GAGE10: variants seen among roughly 807,000 people sequenced by gnomAD.
GAGE10 encodes the protein G antigen 10.
GAGE10 carries 9 observed loss-of-function variants against 11.5 expected under a neutral mutation model. The ratio of observed to expected loss-of-function variants is 0.78; its 90% CI spans 0.47 to 1.37. The LOEUF is 1.37. Ranked by LOEUF, GAGE10 falls within the 40% of genes most tolerant of loss-of-function variation. The pLI is 0.00. For missense variants in GAGE10, 83 were observed against 92.9 expected (o/e 0.89, Z 0.44); for synonymous variants, 23 against 29.7 (o/e 0.77, Z 0.73).
At chrX:49,305,118 AG>A (rs782129515) in intron 2 of GAGE10, among the ~76,000 whole-genome samples, 178 bp downstream of exon 2, 25 of 112,253 alleles carry the variant, frequency 2.2e-4, no homozygotes, top group Non-Finnish European at 2.6e-4. Flanking sequence ...AGTGTTCTTC[AG>A]CTTTTGCCCA....
At chrX:49,307,972 G>A (rs2066363283) in intron 3 of GAGE10, among the ~76,000 whole-genome samples, 1 of 112,036 alleles carries the variant, frequency 8.9e-6, no homozygotes, top group African/African-American at 3.3e-5. Flanking sequence ...CTCTAGTTGT[G>A]CAGCTGCAAG....
At chrX:49,312,866 C>T (rs1436827494) in intron 3 of GAGE10, among the ~76,000 whole-genome samples, 1 of 112,543 alleles carries the variant, frequency 8.9e-6, no homozygotes, top group Non-Finnish European at 1.9e-5. Flanking sequence ...CCACGGCTCT[C>T]TGCCATCGCC....
intron 3 of GAGE10, among the ~76,000 whole-genome samples, chrX:49,308,441 C>T (rs1432568366): frequency 2.7e-5 from 3 of 111,926 alleles, no homozygotes; most frequent in East Asian, 2.8e-4. Context: ...GGCTGCACAA[C>T]GGAACTGGAG....
chrX:49,317,298 C>A lies in GAGE10; in HGVS notation c.328+10C>A. 8.3e-7 allele frequency: 1 copy of A among 1,200,114 alleles called. No homozygotes were observed. On this transcript the variant is annotated intron_variant, in intron 4 of 4. Transcript: ENST00000407599. ...AAAAGGCCTGAAGAAGGTAGGGAAT[C>A]CATTAGGCATGCACATTGTAGGGTG...
chrX:49,308,761 G>C (rs2066365867), intron 3 of GAGE10, among the ~76,000 whole-genome samples: 1 of 111,476 alleles, frequency 9.0e-6, no homozygotes, highest in South Asian at 3.7e-4. Flanking sequence ...GAGTGTGTGG[G>C]TGTGTGTGTG....
At chrX:49,308,050 C>A (rs1176249793) in intron 3 of GAGE10, among the ~76,000 whole-genome samples, 1 of 111,944 alleles carries the variant, frequency 8.9e-6, no homozygotes, top group Non-Finnish European at 1.9e-5. Context: ...TAATGTAATG[C>A]ATGTTTCAAT....
At chrX:49,316,806 G>C (rs1381074779) in intron 3 of GAGE10, among the ~76,000 whole-genome samples, 1 of 111,007 alleles carries the variant, frequency 9.0e-6, no homozygotes, top group South Asian at 3.8e-4. Context: ...TTGCTGGCTA[G>C]TCATGCCATA....
chrX:49,317,334 C>G, intron 4 of GAGE10, 46 bp downstream of exon 4: 11 of 1,167,621 alleles, frequency 9.4e-6, no homozygotes, highest in Non-Finnish European at 1.3e-5. Context: ...TCTGTTTCCA[C>G]AGTATCGTAT....
At position 49,304,932 on chromosome X, in the gene GAGE10, C is replaced by G. The variant is rs2066350149; in HGVS notation, c.73C>G (p.Pro25Ala). Residue 25 changes from proline (P) to alanine (A), a missense_variant, in exon 2 of 5, where the codon CCT becomes GCT. Pro to Ala is a conservative substitution (Grantham distance 27). Transcript: ENST00000407599. ...RYVEPPEMIG[P>A]MLPEQFSDEV... ...CGTAGAGCCCCCTGAAATGATTGGG[C>G]CTATGCTGGTGAGTGCTTAAACGTT... The G allele has an allele frequency of 4.1e-6, 5 of 1,205,260 alleles. No homozygotes were observed. Among genetic ancestry groups the G allele is most frequent in the Non-Finnish European group, 5.6e-6 (5 of 890,404 alleles).
At position 49,317,234 on chromosome X, in the gene GAGE10, G is replaced by C. The variant is rs781892850; in HGVS notation, c.274G>C (p.Asp92His). Reference protein sequence around the residue: ...KTGCECGDGPDGQEMGLPNPE... With the variant: ...KTGCECGDGPHGQEMGLPNPE... Reference sequence around the variant, plus strand: ...TGGGTGTGAGTGTGGAGATGGTCCTGATGGCCAGGAGATGGGCCTGCCAAA... The same window carrying C: ...TGGGTGTGAGTGTGGAGATGGTCCTCATGGCCAGGAGATGGGCCTGCCAAA... Residue 92 changes from aspartate (D) to histidine (H), a missense_variant, in exon 4 of 5, where the codon GAT becomes CAT. Asp to His is a moderately conservative substitution (Grantham distance 81). This residue lies in a region of GAGE10 where 66 missense variants were observed against 35.4 expected (regional missense o/e 1.87). Transcript: ENST00000407599. The C allele has an allele frequency of 1.3e-5, 16 of 1,206,441 alleles. No homozygotes were observed. Among genetic ancestry groups the C allele is most frequent in the Middle Eastern group, 2.3e-4 (1 of 4,365 alleles).
chrX:49,310,262 G>A (rs1557124574), intron 3 of GAGE10, among the ~76,000 whole-genome samples: 1 of 111,663 alleles, frequency 9.0e-6, no homozygotes, highest in Non-Finnish European at 1.9e-5. Flanking sequence ...GGCTACCAAG[G>A]TGTACATTAA....
At chrX:49,306,235 A>C (rs1461249736) in intron 3 of GAGE10, among the ~76,000 whole-genome samples, 2 of 112,214 alleles carry the variant, frequency 1.8e-5, no homozygotes, top group Non-Finnish European at 3.8e-5. Flanking sequence ...TATGTAACTG[A>C]GGTCATGGAT....
At chrX:49,311,190 C>G (rs1245505730) in intron 3 of GAGE10, among the ~76,000 whole-genome samples, 5 of 111,798 alleles carry the variant, frequency 4.5e-5, no homozygotes, top group African/African-American at 1.6e-4. Context: ...TCATGCTGCC[C>G]TGGTACGAGT....
At chrX:49,311,579 A>G (rs2066376507) in intron 3 of GAGE10, among the ~76,000 whole-genome samples, 1 of 112,188 alleles carries the variant, frequency 8.9e-6, no homozygotes, top group Admixed American at 9.4e-5. Flanking sequence ...ATATGAGGCT[A>G]CCAAAGGAAA....
At chrX:49,316,839 G>A (rs1557125297) in intron 3 of GAGE10, among the ~76,000 whole-genome samples, 2 of 111,012 alleles carry the variant, frequency 1.8e-5, no homozygotes, top group African/African-American at 6.6e-5. Flanking sequence ...TGCTAGGAGT[G>A]TAAGTGCTGT....
intron 2 of GAGE10, 62 bp downstream of exon 2, chrX:49,305,002 T>C: frequency 5.3e-6 from 6 of 1,127,845 alleles, no homozygotes; most frequent in Non-Finnish European, 7.2e-6. Flanking sequence ...TGTGACAGTA[T>C]TGTTGCATTA....
In GAGE10 at chrX:49,304,864, G is replaced by A. The variant is rs202043957; in HGVS notation, c.5G>A (p.Ser2Asn). The change falls in exon 2 of 5, where the codon AGT (serine) becomes AAT (asparagine). Residue 2 changes from serine (S) to asparagine (N), a missense_variant. Physicochemically the swap from Ser to Asn is conservative, Grantham distance 46 (BLOSUM62 1). This residue lies in a region of GAGE10 where 15 missense variants were observed against 25.5 expected (regional missense o/e 0.59). Coordinates refer to ENST00000407599, the MANE Select transcript of GAGE10 (RefSeq NM_001098413.4). ...TGTCTGTTTTCAGTGTGAAATATGA[G>A]TTGGCGAGGAAGATCGACCTATCGG... The part of the protein sequence containing the change: M[S>N]WRGRSTYRPR... The A allele has an allele frequency of 3.2e-4, 391 of 1,205,736 alleles. 1 individual carries two copies. The highest frequency in any genetic ancestry group is 4.2e-4 in the Non-Finnish European group (374 of 891,665).
intron 3 of GAGE10, among the ~76,000 whole-genome samples, 189 bp from the exon 4 acceptor site, chrX:49,316,974 T>A (rs782709780): frequency 4.5e-5 from 5 of 111,169 alleles, no homozygotes; most frequent in Non-Finnish European, 9.4e-5. Context: ...AGGGTAATAT[T>A]TGGAACACCT....
intron 4 of GAGE10, 50 bp downstream of exon 4, chrX:49,317,338 A>G (rs2066396850): frequency 8.6e-7 from 1 of 1,158,937 alleles, no homozygotes; most frequent in Non-Finnish European, 1.2e-6. Context: ...TTTCCACAGT[A>G]TCGTATCATA....
Sources: allele counts gnomAD v4.1 joint callset (sites outside exome capture counted in the v4.1 genomes callset), GRCh38; gene constraint gnomAD v4.1.1; regional missense constraint gnomAD v4.1.1; transcripts MANE v1.5; gene names NCBI Gene and HGNC (gene_info 2026-07-23, HGNC 2026-07-21).